TRABD2B: variants seen among roughly 807,000 people sequenced by gnomAD.
The protein encoded by TRABD2B is TraB domain containing 2B, also known as metalloprotease TIKI2.
TRABD2B carries 14 observed loss-of-function variants against 40.1 expected under a neutral mutation model. That is an observed-to-expected ratio of 0.35 (90% CI 0.23 to 0.55). The LOEUF (loss-of-function observed/expected upper bound fraction) is 0.55. Among genes scored for constraint, TRABD2B ranks in the 20% least tolerant of loss-of-function variants. The pLI, the probability that TRABD2B is intolerant of heterozygous loss-of-function variation, is 0.90. For missense variants in TRABD2B, 541 were observed against 648.6 expected (o/e 0.83, Z 1.80); for synonymous variants, 263 against 277.0 (o/e 0.95, Z 0.50).
At chr1:47,814,933 G>A (rs540046526) in intron 2 of TRABD2B, among the ~76,000 whole-genome samples, 1 of 152,356 alleles carries the variant, frequency 6.6e-6, no homozygotes, top group African/African-American at 2.4e-5. Context: ...GGCACTGCAA[G>A]AGACGGTCAG....
intron 2 of TRABD2B, among the ~76,000 whole-genome samples, chr1:47,804,511 C>G (rs1052768567): frequency 1.3e-5 from 2 of 152,208 alleles, no homozygotes; most frequent in African/African-American, 4.8e-5. Context: ...CAAGACACCA[C>G]CTGACCTGTG....
At position 47,801,461 on chromosome 1, in the gene TRABD2B, G is replaced by A. The variant is rs1489140627; in HGVS notation, c.813+12C>T. 1.8e-5 allele frequency: 28 copies of A among 1,535,296 alleles called. No individual in the cohort carries two copies. The highest frequency in any genetic ancestry group is 3.9e-5 in the Admixed American group (2 of 50,976). On this transcript the variant is annotated intron_variant, in intron 3 of 6. Coordinates refer to ENST00000606738, the MANE Select transcript of TRABD2B (RefSeq NM_001194986.2). ...AATGCCAGGTATCCAGGTCTTTGGA[G>A]AGGAGCCTCACCTGGGATGTGTCGT... is the stretch of plus-strand genomic sequence containing the variant.
chr1:47,803,653 C>T (rs11211606), intron 2 of TRABD2B, among the ~76,000 whole-genome samples: 37,714 of 152,172 alleles, frequency 0.25, 4,860 homozygotes, highest in East Asian at 0.46. Flanking sequence ...CCTTCCACTA[C>T]GGAGTGAACA....
chr1:47,820,214 C>T (rs796396870), intron 2 of TRABD2B: 4 of 152,326 alleles, frequency 2.6e-5, no homozygotes, highest in African/African-American at 9.6e-5. Context: ...ATGATGCACT[C>T]AATAAATGTC....
intron 2 of TRABD2B, among the ~76,000 whole-genome samples, chr1:47,903,389 A>G (rs534469490): frequency 6.6e-6 from 1 of 152,220 alleles, no homozygotes; most frequent in African/African-American, 2.4e-5. Context: ...GCTGTGCCTC[A>G]GGGTCTTGGT....
chr1:47,988,220 A>G (rs1418445413), intron 2 of TRABD2B, among the ~76,000 whole-genome samples: 1 of 152,136 alleles, frequency 6.6e-6, no homozygotes, highest in Non-Finnish European at 1.5e-5. Flanking sequence ...AAGGGGAAGA[A>G]AGAACAGGGT....
At chr1:47,879,078 C>T (rs1445497799) in intron 2 of TRABD2B, among the ~76,000 whole-genome samples, 1 of 149,994 alleles carries the variant, frequency 6.7e-6, no homozygotes, top group Non-Finnish European at 1.5e-5. Flanking sequence ...ACACTCTAGC[C>T]TGGGTGATGA....
chr1:47,915,137 G>A (rs143086348), intron 2 of TRABD2B, among the ~76,000 whole-genome samples: 2 of 152,330 alleles, frequency 1.3e-5, no homozygotes, highest in African/African-American at 2.4e-5. Flanking sequence ...GGTGCAGTTA[G>A]CACATCTTGT....
At chr1:47,915,846 G>A (rs1475765415) in intron 2 of TRABD2B, among the ~76,000 whole-genome samples, 2 of 152,244 alleles carry the variant, frequency 1.3e-5, no homozygotes, top group African/African-American at 2.4e-5. Context: ...AAGCCCTGTC[G>A]TGCCCCCACG....
chr1:47,997,307 T>G lies in TRABD2B; in HGVS notation c.-518A>C. On this transcript the variant is annotated 5_prime_UTR_variant, in exon 1 of 7. An upstream open reading frame in the 5' UTR loses its in-frame stop. Coordinates refer to ENST00000606738, the MANE Select transcript of TRABD2B (RefSeq NM_001194986.2). ...GCGACCGGCTGCCCCCGAGCCCGGC[T>G]CAGAGGGGCGGCGGGCGGCCGCGCG... 1 of 786,330 alleles carries G rather than the reference T, an allele frequency of 1.3e-6. No homozygotes were observed. The highest frequency in any genetic ancestry group is 1.5e-6 in the Non-Finnish European group (1 of 653,366). The allele number at this position is 786,330 out of a possible 1,614,324, so 48.7% of individuals were successfully genotyped here.
At chr1:47,868,048 C>T (rs1392759231) in intron 2 of TRABD2B, among the ~76,000 whole-genome samples, 1 of 152,158 alleles carries the variant, frequency 6.6e-6, no homozygotes, top group Non-Finnish European at 1.5e-5. Context: ...ACACCGTCTC[C>T]TTGTTTGTTT....
intron 2 of TRABD2B, among the ~76,000 whole-genome samples, chr1:47,902,934 G>A (rs1644622277): frequency 6.6e-6 from 1 of 152,186 alleles, no homozygotes; most frequent in Admixed American, 6.5e-5. Flanking sequence ...CACAGGTCTA[G>A]TCATAAATTC....
chr1:47,900,472 T>A (rs963816133), intron 2 of TRABD2B, among the ~76,000 whole-genome samples: 6 of 152,134 alleles, frequency 3.9e-5, no homozygotes, highest in South Asian at 2.1e-4. Context: ...CCTTAATAGA[T>A]GAAGGAACTG....
chr1:47,847,950 C>A (rs1010973262), intron 2 of TRABD2B, among the ~76,000 whole-genome samples: 2 of 152,252 alleles, frequency 1.3e-5, no homozygotes, highest in East Asian at 3.9e-4. Context: ...TGACATGGGG[C>A]GGGGCTGACG....
At chr1:47,989,504 T>A (rs1323041460) in intron 2 of TRABD2B, among the ~76,000 whole-genome samples, 11 of 152,144 alleles carry the variant, frequency 7.2e-5, no homozygotes, top group Non-Finnish European at 1.2e-4. Context: ...ACCAAGGAGA[T>A]CTTTATTCAA....
intron 2 of TRABD2B, among the ~76,000 whole-genome samples, chr1:47,839,201 C>A (rs1049444043): frequency 1.3e-5 from 2 of 152,072 alleles, no homozygotes; most frequent in Admixed American, 1.3e-4. Flanking sequence ...ACAACCCCAC[C>A]ACAGAGTCTA....
intron 2 of TRABD2B, among the ~76,000 whole-genome samples, chr1:47,922,066 G>A (rs999897238): frequency 6.6e-6 from 1 of 152,186 alleles, no homozygotes; most frequent in Non-Finnish European, 1.5e-5. Context: ...CATCTGCAAA[G>A]CCCACGCCAT....
At chr1:47,946,102 C>G (rs1026883120) in intron 2 of TRABD2B, among the ~76,000 whole-genome samples, 2 of 152,282 alleles carry the variant, frequency 1.3e-5, no homozygotes, top group Admixed American at 6.5e-5. Flanking sequence ...TACTGTAGTA[C>G]TCCACTGTAC....
In TRABD2B at chr1:47,994,809, T is replaced by G. The variant is rs1646067157; in HGVS notation, c.103-212A>C. Among the ~76,000 whole-genome samples, 1 of 152,176 alleles carries G rather than the reference T, an allele frequency of 6.6e-6. No homozygotes were observed. Among genetic ancestry groups the G allele is most frequent in the South Asian group, 2.1e-4 (1 of 4,824 alleles). ...GATGTATGATCTTGAGTGAATCATT[T>G]CACTTCCACAGGCTCAGTTTCCTCA... On this transcript the variant is annotated intron_variant, in intron 1 of 6. Transcript: ENST00000606738. The surrounding 1 kb of genome is among the most constrained non-coding windows in gnomAD (Gnocchi z 6.7).
Sources: gnomAD v4.1 joint callset for allele counts (sites outside exome capture counted in the v4.1 genomes callset) on GRCh38, gnomAD v4.1.1 for gene constraint, Gnocchi (gnomAD v3.1) non-coding constraint, MANE v1.5 for transcripts, NCBI Gene and HGNC (gene_info 2026-07-23, HGNC 2026-07-21) for gene names.